PPME1: variants seen among roughly 807,000 people sequenced by gnomAD.
PPME1 encodes testicular secretory protein Li 39.
Under a neutral mutation model 56.9 loss-of-function variants are expected in PPME1, and 17 were observed. The observed-to-expected ratio is 0.30, with a 90% confidence interval of 0.20 to 0.45. The LOEUF (loss-of-function observed/expected upper bound fraction) is 0.45, where lower values mean the gene tolerates loss of function less well. Among genes scored for constraint, PPME1 ranks in the 20% least tolerant of loss-of-function variants. PPME1 has a pLI of 1.00. For missense variants in PPME1, 357 were observed against 483.2 expected, an observed-to-expected ratio of 0.74 and a Z score of 2.45; for synonymous variants, 122 against 156.2, an observed-to-expected ratio of 0.78 and a Z score of 1.63.
chr11:74,201,522 A>G (rs969024536), intron 1 of PPME1, among the ~76,000 whole-genome samples: 4 of 152,228 alleles, frequency 2.6e-5, no homozygotes, highest in African/African-American at 7.2e-5. Flanking sequence ...AAAGGATGAA[A>G]GGAGTGATAC....
chr11:74,235,470 A>G (rs1245093735), intron 7 of PPME1, among the ~76,000 whole-genome samples: 3 of 152,050 alleles, frequency 2.0e-5, no homozygotes, highest in East Asian at 3.9e-4. Context: ...GAATGCTCTA[A>G]CCAACCTCTT....
In PPME1 at chr11:74,246,061, C is replaced by A. The variant is rs1271397833; in HGVS notation, c.835-15C>A. On this transcript the variant is annotated splice_polypyrimidine_tract_variant and intron_variant, in intron 9 of 13. Transcript: ENST00000328257. ...GTTGCCCTCGGAGACTCAGAACTTG[C>A]TCTTATTCCTCCAGACCAAGAAAGA... 1 of 1,575,226 alleles carries A rather than the reference C, an allele frequency of 6.3e-7. No individual in the cohort carries two copies. Among genetic ancestry groups the A allele is most frequent in the South Asian group, 1.2e-5 (1 of 85,350 alleles).
At chr11:74,225,885 A>T (rs1858921711) in intron 5 of PPME1, among the ~76,000 whole-genome samples, 1 of 152,096 alleles carries the variant, frequency 6.6e-6, no homozygotes, top group Non-Finnish European at 1.5e-5. Flanking sequence ...AATCTGATGG[A>T]GCCAGTTCAA....
chr11:74,171,306 G>T lies in PPME1; in HGVS notation c.-116G>T. The T allele has an allele frequency of 6.6e-7, 1 of 1,510,194 alleles. No homozygotes were observed. The allele number at this position is 1,510,194 out of a possible 1,614,324, so 93.5% of individuals were successfully genotyped here. On this transcript the variant is annotated 5_prime_UTR_variant, in exon 1 of 14. Transcript: ENST00000328257. The stretch of plus-strand genomic sequence containing the variant: ...TAGGCGGTGCTACGGGTAGCTGGGT[G>T]CTGTCCAAAGGCGACAGGGCGTCGT...
intron 9 of PPME1, among the ~76,000 whole-genome samples, chr11:74,242,805 G>A (rs1388066662): frequency 2.0e-5 from 3 of 150,656 alleles, no homozygotes; most frequent in African/African-American, 7.4e-5. Context: ...CTTGAACCCG[G>A]GAGGCAGAGG....
rs527670597 is a variant in PPME1 at position 74,230,480 on chromosome 11, A to G, written c.553+81A>G. The G allele has an allele frequency of 3.5e-5, 52 of 1,465,350 alleles. No homozygotes were observed. The highest frequency in any genetic ancestry group is 3.9e-5 in the Non-Finnish European group (42 of 1,063,430). 90.8% of individuals were successfully genotyped at this position (1,465,350 alleles called of 1,614,324 possible). A position where few individuals can be genotyped will look rare whatever the true frequency, so the allele number is the denominator to read the frequency against. ...GTAGATTATTACCTTGTCTTAGTTT[A>G]TTGTTGATTTCATTCATCTTGAAAT... On this transcript the variant is annotated intron_variant, in intron 6 of 13. Transcript: ENST00000328257. This position sits in a 1 kb window ranked among gnomAD's most constrained non-coding sequence, Gnocchi z 4.9.
chr11:74,237,513 G>C (rs1859224918), intron 8 of PPME1, among the ~76,000 whole-genome samples: 1 of 151,770 alleles, frequency 6.6e-6, no homozygotes, highest in African/African-American at 2.4e-5. Flanking sequence ...CTGACCTCAT[G>C]ATCCGCCCAC....
intron 3 of PPME1, among the ~76,000 whole-genome samples, chr11:74,214,578 A>G (rs574117027): frequency 6.6e-6 from 1 of 152,306 alleles, no homozygotes; most frequent in East Asian, 1.9e-4. Context: ...CAGAAAGAGA[A>G]AAGAAACAAA....
At chr11:74,191,113 A>G (rs753986080) in intron 1 of PPME1, among the ~76,000 whole-genome samples, 45 of 152,178 alleles carry the variant, frequency 3.0e-4, no homozygotes, top group Non-Finnish European at 3.8e-4. Context: ...AAGTGGGAGG[A>G]TTGTTTGAGT....
In PPME1 at chr11:74,220,729, G is replaced by A. The variant is rs866362457; in HGVS notation, c.289-1583G>A. On this transcript the variant is annotated intron_variant, in intron 3 of 13. Transcript: ENST00000328257. ...ATTAGCTCCTACTGCTATTGTTGCA[G>A]TTATTGCTAAACACCATAATATTCT... Among the ~76,000 whole-genome samples, 4 of 152,308 alleles carry A rather than the reference G, an allele frequency of 2.6e-5. No homozygotes were observed. In the Middle Eastern group the frequency reaches 0.01, roughly 389 times the overall value.
intron 1 of PPME1, among the ~76,000 whole-genome samples, chr11:74,176,272 G>A (rs547194360): frequency 6.6e-6 from 1 of 152,102 alleles, no homozygotes; most frequent in Non-Finnish European, 1.5e-5. Flanking sequence ...TATCTGATTA[G>A]ATAGTCTTTC....
At chr11:74,251,253 G>A in intron 12 of PPME1, 6 of 1,381,206 alleles carry the variant, frequency 4.3e-6, no homozygotes, top group Non-Finnish European at 5.6e-6. Context: ...AGGGCCCTGT[G>A]GTTAAGATCT....
intron 9 of PPME1, among the ~76,000 whole-genome samples, chr11:74,245,065 T>TAG (rs1859470804): frequency 6.6e-6 from 1 of 152,212 alleles, no homozygotes; most frequent in African/African-American, 2.4e-5. Flanking sequence ...CTATTTGTCT[T>TAG]TACGGCAGTA....
chr11:74,245,986 T>C, intron 9 of PPME1, 90 bp from the exon 10 acceptor site: 1 of 1,444,442 alleles, frequency 6.9e-7, no homozygotes, highest in Non-Finnish European at 9.3e-7. Context: ...GCTAGTTTCC[T>C]TCCCTTTCCT....
intron 3 of PPME1, among the ~76,000 whole-genome samples, chr11:74,218,860 C>T (rs1304761434): frequency 6.6e-6 from 1 of 152,028 alleles, no homozygotes; most frequent in African/African-American, 2.4e-5. Context: ...CCAACAAGCA[C>T]AGGTAACCAA....
intron 3 of PPME1, among the ~76,000 whole-genome samples, chr11:74,217,415 A>C (rs1442050181): frequency 6.6e-6 from 1 of 151,678 alleles, no homozygotes; most frequent in Non-Finnish European, 1.5e-5. Flanking sequence ...GGTGGCGCGC[A>C]CTTCTTATTC....
chr11:74,231,444 T>A (rs1259404906), intron 7 of PPME1, among the ~76,000 whole-genome samples: 1 of 152,184 alleles, frequency 6.6e-6, no homozygotes, highest in African/African-American at 2.4e-5. Flanking sequence ...GCTTTTCTTC[T>A]TTTTTAGGTC....
intron 8 of PPME1, chr11:74,238,359 CTT>C (rs1484912655): frequency 2.6e-5 from 4 of 152,166 alleles, no homozygotes; most frequent in Non-Finnish European, 4.4e-5. Flanking sequence ...ATCCCAGTCT[CTT>C]TTTATCTTGC....
At position 74,251,948 on chromosome 11, in the gene PPME1, T is replaced by C. The variant is rs558671978; in HGVS notation, c.1142+233T>C. The C allele has an allele frequency of 4.8e-5, 34 of 710,466 alleles. No homozygotes were observed. In the African/African-American group the frequency reaches 5.5e-4, roughly 12 times the overall value. 44.0% of individuals were successfully genotyped at this position (710,466 alleles called of 1,614,324 possible). On this transcript the variant is annotated intron_variant, in intron 13 of 13. Coordinates refer to ENST00000328257, the MANE Select transcript of PPME1 (RefSeq NM_016147.3). ...GCTGAGGCTGTGATTAAATTGTGCC[T>C]AGTCTCACTCCCCACTGTGATGTGC... is the stretch of plus-strand genomic sequence containing the variant.
Sources: allele counts gnomAD v4.1 joint callset (sites outside exome capture counted in the v4.1 genomes callset), GRCh38; gene constraint gnomAD v4.1.1; non-coding constraint Gnocchi (gnomAD v3.1); transcripts MANE v1.5; gene names NCBI Gene and HGNC (gene_info 2026-07-23, HGNC 2026-07-21).